ANKS1B: variants seen among roughly 807,000 people sequenced by gnomAD.
ANKS1B encodes ankyrin repeat and sterile alpha motif domain containing 1B.
A neutral mutation model predicts 148.3 loss-of-function variants in ANKS1B; 36 were observed. The ratio of observed to expected loss-of-function variants is 0.24; its 90% CI spans 0.19 to 0.32. ANKS1B has a LOEUF of 0.32. Ranked by LOEUF, ANKS1B falls within the 10% of genes least tolerant of loss-of-function variation. ANKS1B has a pLI of 1.00. For synonymous variants in ANKS1B, 542 were observed against 560.8 expected, an observed-to-expected ratio of 0.97 and a Z score of 0.47; for missense variants, 1,157 against 1,542.6, an observed-to-expected ratio of 0.75 and a Z score of 4.19.
intron 15 of ANKS1B, among the ~76,000 whole-genome samples, chr12:99,133,938 C>T (rs2067037496): frequency 6.6e-6 from 1 of 152,256 alleles, no homozygotes; most frequent in Admixed American, 6.5e-5. Context: ...ACGGTTTCCA[C>T]ATGTGGAAAC....
chr12:99,610,667 C>T (rs1027817705), intron 9 of ANKS1B, among the ~76,000 whole-genome samples: 1 of 152,026 alleles, frequency 6.6e-6, no homozygotes, highest in Admixed American at 6.6e-5. Context: ...GTCCAAAGTA[C>T]TGAGAATGCC....
chr12:99,257,813 C>T (rs1458166160), intron 12 of ANKS1B, among the ~76,000 whole-genome samples: 2 of 152,246 alleles, frequency 1.3e-5, no homozygotes, highest in East Asian at 3.9e-4. Flanking sequence ...TTGTGCTTCC[C>T]TGAGCTGTGT....
At chr12:99,466,367 C>A (rs1227540172) in intron 10 of ANKS1B, among the ~76,000 whole-genome samples, 2 of 151,942 alleles carry the variant, frequency 1.3e-5, no homozygotes, top group Non-Finnish European at 2.9e-5. Flanking sequence ...CCTAACATCA[C>A]AATTAAAAGA....
intron 15 of ANKS1B, among the ~76,000 whole-genome samples, chr12:99,118,459 A>C (rs1298611610): frequency 5.3e-5 from 8 of 152,252 alleles, no homozygotes; most frequent in Non-Finnish European, 4.4e-5. Context: ...GCAGCTTTAT[A>C]TAGCACCCTT....
intron 15 of ANKS1B, among the ~76,000 whole-genome samples, chr12:99,103,248 T>C (rs192776456): frequency 2.0e-5 from 3 of 152,268 alleles, no homozygotes; most frequent in Admixed American, 1.3e-4. Flanking sequence ...GTCAATTGCA[T>C]AGCAATTCTC....
At chr12:99,840,871 T>C (rs193242204) in intron 1 of ANKS1B, among the ~76,000 whole-genome samples, 2 of 152,302 alleles carry the variant, frequency 1.3e-5, no homozygotes, top group Non-Finnish European at 2.9e-5. Flanking sequence ...TGTTGATGAA[T>C]TTAACGGCAT....
intron 12 of ANKS1B, among the ~76,000 whole-genome samples, chr12:99,271,441 T>C (rs1026230067): frequency 2.0e-5 from 3 of 151,986 alleles, no homozygotes; most frequent in Non-Finnish European, 1.5e-5. Flanking sequence ...TGTGCATATC[T>C]ATCCTTCAAG....
intron 16 of ANKS1B, among the ~76,000 whole-genome samples, chr12:99,065,501 A>G (rs1199883728): frequency 6.6e-6 from 1 of 152,200 alleles, no homozygotes; most frequent in Non-Finnish European, 1.5e-5. Context: ...AGAGCAGTAC[A>G]AAATATGTCA....
At chr12:99,787,810 A>C (rs2065169099) in intron 4 of ANKS1B, among the ~76,000 whole-genome samples, 1 of 152,216 alleles carries the variant, frequency 6.6e-6, no homozygotes, top group African/African-American at 2.4e-5. Context: ...AAATCTGTGC[A>C]TTTTAGGAAG....
intron 18 of ANKS1B, among the ~76,000 whole-genome samples, chr12:98,830,755 G>GA (rs2099301837): frequency 2.0e-5 from 3 of 152,022 alleles, no homozygotes; most frequent in Non-Finnish European, 4.4e-5. Context: ...GCTTTTCGAC[G>GA]AATTTTAGAA....
chr12:98,921,480 T>C (rs1181568256), intron 17 of ANKS1B, among the ~76,000 whole-genome samples: 1 of 152,210 alleles, frequency 6.6e-6, no homozygotes. Context: ...ACTATAATCT[T>C]ATACTACTCC....
chr12:99,247,044 T>G (rs1301876769), intron 12 of ANKS1B, among the ~76,000 whole-genome samples, 180 bp from the exon 13 acceptor site: 2 of 152,152 alleles, frequency 1.3e-5, no homozygotes, highest in Non-Finnish European at 2.9e-5. Context: ...AATGTATGAG[T>G]GTGTGTGCGT....
At chr12:99,503,776 A>T (rs1456811277) in intron 10 of ANKS1B, among the ~76,000 whole-genome samples, 1 of 152,092 alleles carries the variant, frequency 6.6e-6, no homozygotes, top group African/African-American at 2.4e-5. Context: ...AAACCAAAAA[A>T]AAAAGCCTCT....
At chr12:99,485,062 T>C (rs1328203958) in intron 10 of ANKS1B, among the ~76,000 whole-genome samples, 1 of 151,960 alleles carries the variant, frequency 6.6e-6, no homozygotes, top group Non-Finnish European at 1.5e-5. Flanking sequence ...CTCTTCATCA[T>C]AGTAATTTTT....
At chr12:98,939,822 G>A (rs1040969598) in intron 17 of ANKS1B, among the ~76,000 whole-genome samples, 1 of 152,214 alleles carries the variant, frequency 6.6e-6, no homozygotes, top group African/African-American at 2.4e-5. Flanking sequence ...TAAAAGGAAC[G>A]CTGCCCCTAA....
intron 9 of ANKS1B, among the ~76,000 whole-genome samples, chr12:99,637,181 A>G (rs2088788): frequency 0.68 from 104,076 of 152,064 alleles, 35,745 homozygotes; most frequent in Admixed American, 0.73. Flanking sequence ...GCATGTTGGC[A>G]CATGCCTGTA....
chr12:99,900,854 C>T (rs2093575415), intron 1 of ANKS1B, among the ~76,000 whole-genome samples: 1 of 152,166 alleles, frequency 6.6e-6, no homozygotes, highest in South Asian at 2.1e-4. Flanking sequence ...TGAACGTATG[C>T]AATGCATGAG....
In ANKS1B at chr12:98,794,836, A is replaced by G. The variant is rs539277847; in HGVS notation, c.3342+4098T>C. On this transcript the variant is annotated intron_variant, in intron 22 of 26. Coordinates refer to ENST00000683438, the MANE Select transcript of ANKS1B (RefSeq NM_001352186.2). ...ATTGAAGAAAAATAAAGAGCTACAG[A>G]AAGTTCAGGATATCAAAGAAGTCAA... is the stretch of plus-strand genomic sequence containing the variant. 63 of 1,600,778 alleles carry G rather than the reference A, an allele frequency of 3.9e-5. No homozygotes were observed. In the African/African-American group the frequency reaches 7.9e-4, roughly 20 times the overall value.
intron 11 of ANKS1B, among the ~76,000 whole-genome samples, chr12:99,418,832 T>C (rs1186846675): frequency 6.6e-6 from 1 of 152,182 alleles, no homozygotes; most frequent in African/African-American, 2.4e-5. Flanking sequence ...CAATTTCTAT[T>C]CTTTTAAGAG....
Sources: allele counts gnomAD v4.1 joint callset (sites outside exome capture counted in the v4.1 genomes callset), GRCh38; gene constraint gnomAD v4.1.1; transcripts MANE v1.5; gene names NCBI Gene and HGNC (gene_info 2026-07-23, HGNC 2026-07-21).